WRAP73: variants seen among roughly 807,000 people sequenced by gnomAD.
WRAP73 encodes WD repeat containing, antisense to TP73.
A neutral mutation model predicts 59.6 loss-of-function variants in WRAP73; 55 were observed. The observed-to-expected ratio is 0.92, with a 90% CI of 0.74 to 1.15. The LOEUF is 1.15. WRAP73 is among the 50% of genes most tolerant of loss of function. The pLI is 0.00. For synonymous variants in WRAP73, 265 were observed against 258.2 expected, an observed-to-expected ratio of 1.03 and a Z score of -0.25; for missense variants, 592 against 608.1, an observed-to-expected ratio of 0.97 and a Z score of 0.28.
At position 3,647,572 on chromosome 1, in the gene WRAP73, G is replaced by A. The variant is rs1644704096; in HGVS notation, c.70-12C>T. 1 of 1,609,692 alleles carries A rather than the reference G, an allele frequency of 6.2e-7. No homozygotes were observed. Among genetic ancestry groups the A allele is most frequent in the Non-Finnish European group, 8.5e-7 (1 of 1,177,872 alleles). ...TGGACACAGGAAGCCTAAAAAATAT[G>A]AGAAAGCAAGCACCTGACATTCTCC... On this transcript the variant is annotated splice_polypyrimidine_tract_variant and intron_variant, in intron 1 of 11. Transcript: ENST00000270708.
rs1225058918 is a variant in WRAP73 at position 3,646,615 on chromosome 1, G to A, written c.339+51C>T. 3.4e-6 allele frequency: 5 copies of A among 1,491,532 alleles called. No homozygotes were observed. The highest frequency in any genetic ancestry group is 1.4e-5 in the African/African-American group (1 of 71,542). The allele number at this position is 1,491,532 out of a possible 1,614,324, so 92.4% of individuals were successfully genotyped here. ...CTCGCACTCCCCAGCTGTTTCGAGA[G>A]CAGAGGACAGGATCACATGGCCAGT... On this transcript the variant is annotated intron_variant, in intron 3 of 11. Transcript: ENST00000270708. The surrounding 1 kb of genome is among the most constrained non-coding windows in gnomAD (Gnocchi z 5.1).
chr1:3,637,175 G>C, intron 4 of WRAP73, 77 bp from the exon 5 acceptor site: 1 of 1,225,164 alleles, frequency 8.2e-7, no homozygotes, highest in Non-Finnish European at 1.2e-6. Context: ...TAATTCACAA[G>C]GAAGGAGGAG....
chr1:3,650,050 C>G lies in WRAP73; in HGVS notation c.-51G>C, dbSNP rs1289033926. 6.6e-7 allele frequency: 1 copy of G among 1,512,466 alleles called. No homozygotes were observed. Among genetic ancestry groups the G allele is most frequent in the Non-Finnish European group, 8.9e-7 (1 of 1,127,364 alleles). 93.7% of individuals were successfully genotyped at this position (1,512,466 alleles called of 1,614,324 possible). On this transcript the variant is annotated 5_prime_UTR_variant, in exon 1 of 12. Transcript: ENST00000270708. ...CCTGCGCCCGAAAACCCGCGGGACC[C>G]CTGGGCGCGCAGCAGGCTGCAACAG...
chr1:3,648,139 C>G (rs1644708308), intron 1 of WRAP73, among the ~76,000 whole-genome samples: 1 of 152,236 alleles, frequency 6.6e-6, no homozygotes, highest in African/African-American at 2.4e-5. Context: ...CTCCATTAAC[C>G]TATTCCTAAC....
intron 3 of WRAP73, among the ~76,000 whole-genome samples, chr1:3,643,446 C>T (rs1367457532): frequency 6.6e-6 from 1 of 152,250 alleles, no homozygotes; most frequent in Non-Finnish European, 1.5e-5. Context: ...CTCACTGAAC[C>T]TCGTCTAATG....
chr1:3,637,693 C>T (rs1204682688), intron 4 of WRAP73, among the ~76,000 whole-genome samples: 1 of 152,068 alleles, frequency 6.6e-6, no homozygotes, highest in East Asian at 1.9e-4. Flanking sequence ...TATCAGCCGG[C>T]TGTGATGGTG....
rs1023195653 is a variant in WRAP73, at chr1:3,630,869, A to G, written c.*106T>C. 2 of 1,417,824 alleles carry G rather than the reference A, an allele frequency of 1.4e-6. No homozygotes were observed. The highest frequency in any genetic ancestry group is 2.9e-5 in the African/African-American group (2 of 69,632). The allele number at this position is 1,417,824 out of a possible 1,614,324, so 87.8% of individuals were successfully genotyped here. On this transcript the variant is annotated 3_prime_UTR_variant, in exon 12 of 12. Coordinates refer to ENST00000270708, the MANE Select transcript of WRAP73 (RefSeq NM_017818.4). ...TTGCTATAGAAAAATAGAATCAATC[A>G]CTGAATCCAGACCACCACAGTGGAG...
At chr1:3,635,832 C>A in intron 6 of WRAP73, 112 bp downstream of exon 6, 1 of 953,346 alleles carries the variant, frequency 1.0e-6, no homozygotes, top group South Asian at 1.5e-5. Context: ...TAAAACAAAG[C>A]TCAACTTGTT....
At position 3,635,071 on chromosome 1, in the gene WRAP73, G is replaced by A. The variant is rs774325847; in HGVS notation, c.742C>T (p.Arg248Cys). The A allele has an allele frequency of 3.8e-5, 62 of 1,614,072 alleles. No individual in the cohort carries two copies. The highest frequency in any genetic ancestry group is 3.2e-4 in the South Asian group (29 of 91,090). Residue 248 changes from arginine (R) to cysteine (C), a missense_variant, in exon 8 of 12, where the codon CGC becomes TGC. Coordinates refer to ENST00000270708, the MANE Select transcript of WRAP73 (RefSeq NM_017818.4). The part of the protein sequence containing the change: ...LAVGSYDGKV[R>C]ILNHVTWKMI... ...TTCCAAGTCACGTGATTAAGGATGC[G>A]CACCTGAGGAAGGAAACCATGCACA...
Position 3,650,072 on chromosome 1 carries a change from A to G in WRAP73, c.-73T>C, listed in dbSNP as rs970777358. On this transcript the variant is annotated 5_prime_UTR_variant, in exon 1 of 12. Transcript: ENST00000270708. ...ACCCCTGGGCGCGCAGCAGGCTGCAACAGCCGACGCCGGCCTCCGAGGCCG... is the reference window on the plus strand; with the variant it reads ...ACCCCTGGGCGCGCAGCAGGCTGCAGCAGCCGACGCCGGCCTCCGAGGCCG... The G allele has an allele frequency of 2.1e-6, 3 of 1,438,646 alleles. No homozygotes were observed. Among genetic ancestry groups the G allele is most frequent in the Middle Eastern group, 2.1e-4 (1 of 4,756 alleles). 89.1% of individuals were successfully genotyped at this position (1,438,646 alleles called of 1,614,324 possible).
chr1:3,633,326 C>G, intron 9 of WRAP73, 72 bp downstream of exon 9: 7 of 1,429,650 alleles, frequency 4.9e-6, no homozygotes, highest in Non-Finnish European at 6.9e-6. Context: ...AAGGAACATC[C>G]GAAGTTTATC....
intron 3 of WRAP73, among the ~76,000 whole-genome samples, chr1:3,640,439 G>C (rs1399766390): frequency 3.3e-5 from 5 of 151,006 alleles, no homozygotes; most frequent in African/African-American, 1.2e-4. Flanking sequence ...CAGCAGGGCG[G>C]GGTGGAGCGC....
At chr1:3,634,875 T>G in intron 8 of WRAP73, 122 bp downstream of exon 8, 1 of 1,183,608 alleles carries the variant, frequency 8.4e-7, no homozygotes, top group Non-Finnish European at 1.2e-6. Context: ...AGTAGCAAGT[T>G]TACGGTGATG....
rs1644557604 is a variant in WRAP73, at chr1:3,633,398, A to G, written c.922T>C (p.Tyr308His). 6.2e-7 allele frequency: 1 copy of G among 1,612,132 alleles called. No individual in the cohort carries two copies. The highest frequency in any genetic ancestry group is 8.5e-7 in the Non-Finnish European group (1 of 1,179,418). ...AAATGACATCACATGTGCTACTTACATTTACTCTCTGAGCTCGGGAGAGGG... is the reference window on the plus strand; with the variant it reads ...AAATGACATCACATGTGCTACTTACGTTTACTCTCTGAGCTCGGGAGAGGG... ...AGPLPSSESK[Y>H]EIASVPVSLQ... The change falls in exon 9 of 12, where the codon TAT (tyrosine) becomes CAT (histidine). Residue 308 changes from tyrosine (Y) to histidine (H), a missense_variant and splice_region_variant. Physicochemically the swap from Tyr to His is moderately conservative, Grantham distance 83. Coordinates refer to ENST00000270708, the MANE Select transcript of WRAP73 (RefSeq NM_017818.4).
chr1:3,631,688 A>G (rs1366044658), intron 10 of WRAP73, 31 bp from the exon 11 acceptor site: 2 of 1,565,234 alleles, frequency 1.3e-6, no homozygotes, highest in South Asian at 1.2e-5. Context: ...CACCGGTGTC[A>G]TCCCTGCCTG....
chr1:3,646,632 A>C lies in WRAP73; in HGVS notation c.339+34T>G, dbSNP rs371787253. ...TTTCGAGAGCAGAGGACAGGATCAC[A>C]TGGCCAGTAAGGTGTCTTGGGGCTG... On this transcript the variant is annotated intron_variant, in intron 3 of 11. Transcript: ENST00000270708. This position sits in a 1 kb window ranked among gnomAD's most constrained non-coding sequence, Gnocchi z 5.1. 7.3e-5 allele frequency: 113 copies of C among 1,555,154 alleles called. No homozygotes were observed. In the African/African-American group the frequency reaches 1.2e-3, roughly 17 times the overall value.
At chr1:3,645,703 AC>A (rs904063720) in intron 3 of WRAP73, among the ~76,000 whole-genome samples, 1 of 152,216 alleles carries the variant, frequency 6.6e-6, no homozygotes, top group African/African-American at 2.4e-5. Flanking sequence ...GACACCAAAG[AC>A]CTGGTATCTA....
Position 3,636,994 on chromosome 1 carries a change from C to T in WRAP73, c.516+1G>A. 4 of 1,613,514 alleles carry T rather than the reference C, an allele frequency of 2.5e-6. No individual in the cohort carries two copies. Among genetic ancestry groups the T allele is most frequent in the Non-Finnish European group, 3.4e-6 (4 of 1,179,882 alleles). On this transcript the variant is annotated splice_donor_variant, in intron 5 of 11. Coordinates refer to ENST00000270708, the MANE Select transcript of WRAP73 (RefSeq NM_017818.4). LOFTEE classifies it high-confidence loss of function. ...TTATTCCAGTCTGGGGGACGCCTTA[C>T]CCGCAGGAGCTGCCAATCACTGCAG...
rs940722016 is a variant in WRAP73, at chr1:3,646,949, C to G, written c.223-167G>C. ...CGAGAGACAACTCCCTTAAAACCAG[C>G]AGAGACCCGATCACACAGGGTGTCT... On this transcript the variant is annotated intron_variant, in intron 2 of 11. Transcript: ENST00000270708. This position sits in a 1 kb window ranked among gnomAD's most constrained non-coding sequence, Gnocchi z 5.1. Among the ~76,000 whole-genome samples the G allele has an allele frequency of 1.3e-4, 4 of 29,846 alleles. No homozygotes were observed. Among genetic ancestry groups the G allele is most frequent in the Admixed American group, 3.0e-4 (1 of 3,298 alleles). The allele number at this position is 29,846 out of a possible 152,430, so 19.6% of individuals were successfully genotyped here. A position where few individuals can be genotyped will look rare whatever the true frequency, so the allele number is the denominator to read the frequency against.
Sources: gnomAD v4.1 joint callset for allele counts (sites outside exome capture counted in the v4.1 genomes callset) on GRCh38, gnomAD v4.1.1 for gene constraint, Gnocchi (gnomAD v3.1) non-coding constraint, MANE v1.5 for transcripts, NCBI Gene and HGNC (gene_info 2026-07-23, HGNC 2026-07-21) for gene names.